Variants in ZNF521 observed in about 807,000 individuals in gnomAD.
ZNF521 encodes the protein zinc finger protein 521.
ZNF521 carries 14 observed loss-of-function variants against 105.5 expected under a neutral mutation model. The ratio of observed to expected loss-of-function variants is 0.13; its 90% CI spans 0.09 to 0.21. The LOEUF (loss-of-function observed/expected upper bound fraction) is 0.21. Ranked by LOEUF, ZNF521 falls within the 10% of genes least tolerant of loss-of-function variation. The probability of loss-of-function intolerance (pLI) is 1.00; values close to 1 mark genes in which losing one functional copy is unlikely to be tolerated. For missense variants in ZNF521, 1,233 were observed against 1,629.7 expected (o/e 0.76, Z 4.19); for synonymous variants, 635 against 606.0 (o/e 1.05, Z -0.70).
chr18:25,239,289 G>A lies in ZNF521; in HGVS notation c.221-11592C>T, dbSNP rs530763621. Among the ~76,000 whole-genome samples the A allele has an allele frequency of 1.0e-3, 154 of 152,286 alleles. 1 individual carries two copies. The highest frequency in any genetic ancestry group is 3.4e-3 in the African/African-American group (143 of 41,570). ...AGCAGCTTGTACATTTCCAGAAAAA[G>A]AGTGACCATTTTAAAGAGTTATACA... On this transcript the variant is annotated intron_variant, in intron 3 of 7. Transcript: ENST00000361524.
intron 4 of ZNF521, among the ~76,000 whole-genome samples, chr18:25,197,594 G>A (rs2035924296): frequency 6.6e-6 from 1 of 151,678 alleles, no homozygotes; most frequent in Admixed American, 6.6e-5. Context: ...TCAGCCTTGG[G>A]GAACTCATTC....
chr18:25,337,676 C>G (rs775948144), intron 2 of ZNF521, among the ~76,000 whole-genome samples: 21 of 152,140 alleles, frequency 1.4e-4, no homozygotes, highest in South Asian at 4.1e-4. Context: ...GTGAATTGGT[C>G]TTACTTCTTT....
chr18:25,217,148 C>T (rs554572247), intron 4 of ZNF521, among the ~76,000 whole-genome samples: 26 of 152,058 alleles, frequency 1.7e-4, no homozygotes, highest in South Asian at 1.7e-3. Flanking sequence ...TGGGAAGCCA[C>T]GAAAAAATTT....
intron 5 of ZNF521, among the ~76,000 whole-genome samples, chr18:25,136,092 C>T (rs1223817607): frequency 6.6e-6 from 1 of 152,100 alleles, no homozygotes; most frequent in Non-Finnish European, 1.5e-5. Flanking sequence ...AAAAGAAATG[C>T]ACCAAAAATT....
At chr18:25,113,761 G>GACACACACACACACACACACAC (rs10667710) in intron 5 of ZNF521, among the ~76,000 whole-genome samples, 18 of 101,698 alleles carry the variant, frequency 1.8e-4, no homozygotes, top group South Asian at 9.5e-4. Context: ...AGGACGGACG[G>GACACACACACACACACACACAC]ACACACACAC....
chr18:25,192,824 T>TCTTA (rs1271609568), intron 5 of ZNF521, among the ~76,000 whole-genome samples: 1 of 152,060 alleles, frequency 6.6e-6, no homozygotes, highest in Non-Finnish European at 1.5e-5. Context: ...AAAAGGGGTA[T>TCTTA]CTTAGCCTTT....
At chr18:25,105,995 C>G (rs2034064987) in intron 5 of ZNF521, among the ~76,000 whole-genome samples, 1 of 151,884 alleles carries the variant, frequency 6.6e-6, no homozygotes. Flanking sequence ...TTCATTAAGG[C>G]CAAAAATGTG....
chr18:25,123,061 T>TA (rs2034472720), intron 5 of ZNF521, among the ~76,000 whole-genome samples: 1 of 151,998 alleles, frequency 6.6e-6, no homozygotes. Flanking sequence ...ATTAAAAATA[T>TA]AAACTAGACA....
At chr18:25,260,012 A>T (rs1001207274) in intron 3 of ZNF521, among the ~76,000 whole-genome samples, 1 of 152,192 alleles carries the variant, frequency 6.6e-6, no homozygotes, top group Non-Finnish European at 1.5e-5. Context: ...AAGCTACAAG[A>T]TTCTGCACAG....
intron 3 of ZNF521, among the ~76,000 whole-genome samples, chr18:25,308,660 C>G (rs953604919): frequency 1.4e-5 from 2 of 144,306 alleles, no homozygotes; most frequent in Non-Finnish European, 3.1e-5. Context: ...CCCCCCCCCC[C>G]CACCCGCCAC....
chr18:25,181,004 C>T (rs1213657910), intron 5 of ZNF521, among the ~76,000 whole-genome samples: 1 of 152,078 alleles, frequency 6.6e-6, no homozygotes, highest in Non-Finnish European at 1.5e-5. Context: ...AGGTTTACTC[C>T]AGATTATCAG....
In ZNF521 at chr18:25,328,482, T is replaced by C. The variant is rs540528294; in HGVS notation, c.41-6295A>G. ...TTTCACACTTTGCAACAAAAGTTTC[T>C]TCTCTTCCAATCAGAAAGATATACC... On this transcript the variant is annotated intron_variant, in intron 2 of 7. Coordinates refer to ENST00000361524, the MANE Select transcript of ZNF521 (RefSeq NM_015461.3). 1.3e-4 allele frequency among the ~76,000 whole-genome samples: 20 copies of C among 151,758 alleles called. No individual in the cohort carries two copies. The South Asian group carries it at 4.2e-3, about 32-fold the overall frequency.
intron 5 of ZNF521, among the ~76,000 whole-genome samples, chr18:25,093,477 G>A (rs998106329): frequency 1.3e-5 from 2 of 152,208 alleles, no homozygotes; most frequent in Non-Finnish European, 2.9e-5. Flanking sequence ...CAACATGCAT[G>A]TGTAAGTCCT....
chr18:25,351,347 C>A lies in ZNF521; in HGVS notation c.-1-400G>T, dbSNP rs1568095167. On this transcript the variant is annotated intron_variant, in intron 1 of 7. Coordinates refer to ENST00000361524, the MANE Select transcript of ZNF521 (RefSeq NM_015461.3). ...AAAAGAGAAAATCCGTTACTATTTC[C>A]ACCTCAATCAAAATTCACATAGTTC... 2.0e-5 allele frequency among the ~76,000 whole-genome samples: 3 copies of A among 148,976 alleles called. No homozygotes were observed. In the South Asian group the frequency reaches 6.3e-4, roughly 31 times the overall value.
chr18:25,214,521 G>C (rs1332177584), intron 4 of ZNF521, among the ~76,000 whole-genome samples: 4 of 152,008 alleles, frequency 2.6e-5, no homozygotes, highest in African/African-American at 7.2e-5. Flanking sequence ...ATTTTCTAAA[G>C]TATATTTTCT....
chr18:25,190,621 A>G (rs73404944), intron 5 of ZNF521, among the ~76,000 whole-genome samples: 3,205 of 152,308 alleles, frequency 0.021, 134 homozygotes, highest in African/African-American at 0.074. Context: ...GTCGCAAAAC[A>G]ATAATGAAGA....
intron 3 of ZNF521, among the ~76,000 whole-genome samples, chr18:25,291,802 G>A (rs776315672): frequency 2.0e-5 from 3 of 152,082 alleles, no homozygotes; most frequent in South Asian, 2.1e-4. Context: ...GAGGAAACTC[G>A]AGAAAATAGA....
chr18:25,348,809 A>G (rs1243666053), intron 2 of ZNF521, among the ~76,000 whole-genome samples: 1 of 152,236 alleles, frequency 6.6e-6, no homozygotes, highest in African/African-American at 2.4e-5. Context: ...TATTAACCTA[A>G]GAACTGCACA....
chr18:25,154,741 T>G (rs1486020499), intron 5 of ZNF521, among the ~76,000 whole-genome samples: 1 of 152,264 alleles, frequency 6.6e-6, no homozygotes, highest in South Asian at 2.1e-4. Context: ...GAACAAGACC[T>G]TAGAAATTGT....
Sources: gnomAD v4.1 joint callset for allele counts (sites outside exome capture counted in the v4.1 genomes callset) on GRCh38, gnomAD v4.1.1 for gene constraint, MANE v1.5 for transcripts, NCBI Gene and HGNC (gene_info 2026-07-23, HGNC 2026-07-21) for gene names.